The following VSNL1 variants were observed in gnomAD, a reference collection of about 807,000 sequenced individuals.
The protein encoded by VSNL1 is visinin like 1.
VSNL1 carries 6 observed loss-of-function variants against 20.4 expected under a neutral mutation model. The observed-to-expected ratio is 0.29, with a 90% CI of 0.16 to 0.58. The LOEUF (loss-of-function observed/expected upper bound fraction) is 0.58. Among genes scored for constraint, VSNL1 ranks in the 20% least tolerant of loss-of-function variants. VSNL1 has a pLI of 0.90. For missense variants in VSNL1, 100 were observed against 234.5 expected (o/e 0.43, Z 3.75); for synonymous variants, 93 against 86.4 (o/e 1.08, Z -0.42).
intron 2 of VSNL1, among the ~76,000 whole-genome samples, chr2:17,611,050 GGA>G (rs1665072384): frequency 6.6e-6 from 1 of 152,214 alleles, no homozygotes; most frequent in African/African-American, 2.4e-5. Flanking sequence ...AAACAGAGAA[GGA>G]GATAGGATCC....
At chr2:17,624,617 C>T (rs1335213438) in intron 2 of VSNL1, among the ~76,000 whole-genome samples, 1 of 152,026 alleles carries the variant, frequency 6.6e-6, no homozygotes, top group Non-Finnish European at 1.5e-5. Flanking sequence ...TTCCGTCTGC[C>T]ACCACTGCTT....
At chr2:17,643,263 A>G (rs1665922091) in intron 2 of VSNL1, among the ~76,000 whole-genome samples, 1 of 152,110 alleles carries the variant, frequency 6.6e-6, no homozygotes, top group African/African-American at 2.4e-5. Context: ...CAGTTTTTGG[A>G]CTCACCATTT....
intron 2 of VSNL1, among the ~76,000 whole-genome samples, chr2:17,638,575 C>CA (rs1665811578): frequency 6.6e-6 from 1 of 152,172 alleles, no homozygotes; most frequent in Admixed American, 6.5e-5. Flanking sequence ...CCTGCTCCTC[C>CA]TTCCCACGCC....
At chr2:17,639,679 A>G (rs1173692308) in intron 2 of VSNL1, among the ~76,000 whole-genome samples, 1 of 152,232 alleles carries the variant, frequency 6.6e-6, no homozygotes, top group East Asian at 1.9e-4. Flanking sequence ...CAACAATAAT[A>G]ATAGCATCTT....
intron 2 of VSNL1, among the ~76,000 whole-genome samples, chr2:17,629,723 T>C (rs1158150262): frequency 6.6e-6 from 1 of 152,246 alleles, no homozygotes; most frequent in Non-Finnish European, 1.5e-5. Context: ...TTATAGATTG[T>C]ACCCGCATTC....
At chr2:17,592,648 T>C (rs1188716882) in intron 2 of VSNL1, among the ~76,000 whole-genome samples, 33 of 2,116 alleles carry the variant, frequency 0.016, no homozygotes, top group Non-Finnish European at 0.054. Flanking sequence ...CTCTTTTTTT[T>C]TTTTTTTTTT....
In VSNL1 at chr2:17,649,121, A is replaced by T. The variant is rs151105068; in HGVS notation, c.163-289A>T. On this transcript the variant is annotated intron_variant, in intron 2 of 3. Transcript: ENST00000295156. The surrounding 1 kb of genome is among the most constrained non-coding windows in gnomAD (Gnocchi z 6.4). ...GGGGAGTGAGCTGAGATGCTGCAAC[A>T]CTAGCATCAGGTGGTGCTTGTTGAC... 8.3e-4 allele frequency among the ~76,000 whole-genome samples: 127 copies of T among 152,242 alleles called. 1 individual carries two copies. The East Asian group carries it at 0.024, about 29-fold the overall frequency.
chr2:17,646,017 A>G (rs778335569), intron 2 of VSNL1, among the ~76,000 whole-genome samples: 4 of 152,226 alleles, frequency 2.6e-5, no homozygotes, highest in African/African-American at 4.8e-5. Context: ...TTTTGTTTGC[A>G]GCTCCATACA....
chr2:17,611,869 C>G (rs977693693), intron 2 of VSNL1, among the ~76,000 whole-genome samples: 20 of 152,206 alleles, frequency 1.3e-4, no homozygotes, highest in African/African-American at 4.1e-4. Flanking sequence ...TGCGTACATC[C>G]TGCTAAGGGA....
intron 2 of VSNL1, among the ~76,000 whole-genome samples, chr2:17,635,848 T>C (rs1443453717): frequency 2.0e-5 from 3 of 152,188 alleles, no homozygotes; most frequent in Non-Finnish European, 2.9e-5. Flanking sequence ...ATTTATCTTT[T>C]CACACCCATG....
intron 1 of VSNL1, among the ~76,000 whole-genome samples, chr2:17,570,662 A>G (rs142261232): frequency 5.1e-4 from 77 of 152,316 alleles, no homozygotes; most frequent in African/African-American, 1.6e-3. Flanking sequence ...CATTATTTCT[A>G]ATTTTACAAA....
intron 1 of VSNL1, among the ~76,000 whole-genome samples, chr2:17,543,264 C>T (rs905760780): frequency 1.3e-5 from 2 of 152,218 alleles, no homozygotes; most frequent in African/African-American, 4.8e-5. Flanking sequence ...TTGGCGTTTG[C>T]CGGGAGCACT....
chr2:17,570,357 G>C (rs1664051391), intron 1 of VSNL1, among the ~76,000 whole-genome samples: 1 of 152,152 alleles, frequency 6.6e-6, no homozygotes, highest in Non-Finnish European at 1.5e-5. Context: ...TACCAATCAT[G>C]TTTTGAACGT....
At chr2:17,654,141 C>G (rs185733392) in intron 3 of VSNL1, among the ~76,000 whole-genome samples, 59 of 152,282 alleles carry the variant, frequency 3.9e-4, no homozygotes, top group African/African-American at 1.3e-3. Flanking sequence ...CACATTTTGG[C>G]TATTAATAAT....
chr2:17,636,680 T>G (rs1216027532), intron 2 of VSNL1, among the ~76,000 whole-genome samples: 2 of 152,114 alleles, frequency 1.3e-5, no homozygotes, highest in East Asian at 3.9e-4. Flanking sequence ...TTTCGATGTG[T>G]TTTGAATATA....
intron 1 of VSNL1, among the ~76,000 whole-genome samples, chr2:17,572,128 C>T (rs1257506383): frequency 6.6e-6 from 1 of 151,948 alleles, no homozygotes; most frequent in African/African-American, 2.4e-5. Flanking sequence ...AATAATAGCA[C>T]CTCCTTTCAC....
intron 2 of VSNL1, among the ~76,000 whole-genome samples, chr2:17,604,414 G>A (rs1281584300): frequency 4.6e-5 from 7 of 152,238 alleles, no homozygotes; most frequent in Non-Finnish European, 1.0e-4. Context: ...TAGTCTTGTG[G>A]TGTCATCCCA....
chr2:17,632,094 C>A (rs1665646722), intron 2 of VSNL1, among the ~76,000 whole-genome samples: 1 of 151,994 alleles, frequency 6.6e-6, no homozygotes, highest in South Asian at 2.1e-4. Flanking sequence ...ACCATGTTGG[C>A]CAGGCTGGTC....
At chr2:17,650,775 G>A (rs2103431631) in intron 3 of VSNL1, among the ~76,000 whole-genome samples, 1 of 152,302 alleles carries the variant, frequency 6.6e-6, no homozygotes. Context: ...TCAACTCCCT[G>A]CCTGGGAAGC....
Sources: allele counts gnomAD v4.1 joint callset (sites outside exome capture counted in the v4.1 genomes callset), GRCh38; gene constraint gnomAD v4.1.1; non-coding constraint Gnocchi (gnomAD v3.1); transcripts MANE v1.5; gene names NCBI Gene and HGNC (gene_info 2026-07-23, HGNC 2026-07-21).